The following UGT1A6 variants were observed in gnomAD, a reference collection of about 807,000 sequenced individuals.
UGT1A6 encodes the protein UDP glucuronosyltransferase family 1 member A6, also known as UDP-glucuronosyltransferase 1A6.
A neutral mutation model predicts 44.4 loss-of-function variants in UGT1A6; 32 were observed. The observed-to-expected ratio is 0.72, with a 90% confidence interval of 0.54 to 0.97. The LOEUF (loss-of-function observed/expected upper bound fraction) is 0.97. Ranked by LOEUF, UGT1A6 falls within the 50% of genes least tolerant of loss-of-function variation. UGT1A6 has a pLI of 0.00. For synonymous variants in UGT1A6, 238 were observed against 248.5 expected, an observed-to-expected ratio of 0.96 and a Z score of 0.40; for missense variants, 685 against 661.9, an observed-to-expected ratio of 1.03 and a Z score of -0.38.
At chr2:233,743,592 G>T (rs370692834) in intron 1 of UGT1A6, 2 of 1,367,196 alleles carry the variant, frequency 1.5e-6, no homozygotes, top group Non-Finnish European at 2.0e-6. Context: ...AAGGAGAATG[G>T]GTCCTGGCCG....
In UGT1A6 at chr2:233,768,557, A is replaced by G. The variant is rs28946891; in HGVS notation, c.1301+118A>G. 5 of 1,466,482 alleles carry G rather than the reference A, an allele frequency of 3.4e-6. No individual in the cohort carries two copies. The African/African-American group carries it at 7.2e-5, about 21-fold the overall frequency. 90.8% of individuals were successfully genotyped at this position (1,466,482 alleles called of 1,614,324 possible). On this transcript the variant is annotated intron_variant, in intron 4 of 4. Coordinates refer to ENST00000305139, the MANE Select transcript of UGT1A6 (RefSeq NM_001072.4). ...TTGTTTCAAATATAAAAACAAATAC[A>G]TAAAAATCTGGATTTTTATTTCTTC... is the stretch of plus-strand genomic sequence containing the variant.
chr2:233,720,299 G>A (rs1559365753), intron 1 of UGT1A6, among the ~76,000 whole-genome samples: 1 of 152,118 alleles, frequency 6.6e-6, no homozygotes, highest in Admixed American at 6.5e-5. Flanking sequence ...AGGAGTTGGG[G>A]GTCTGGTGTA....
At chr2:233,730,021 A>G (rs1183209625) in intron 1 of UGT1A6, 7 of 1,613,586 alleles carry the variant, frequency 4.3e-6, no homozygotes, top group Non-Finnish European at 5.9e-6. Flanking sequence ...CATCCAATCA[A>G]TGTTCCAGGC....
chr2:233,720,111 A>T (rs375337580), intron 1 of UGT1A6, among the ~76,000 whole-genome samples: 1 of 152,208 alleles, frequency 6.6e-6, no homozygotes, highest in African/African-American at 2.4e-5. Context: ...ATCTTGCGAA[A>T]GATACAGAGG....
At chr2:233,700,738 A>T (rs1433623509) in intron 1 of UGT1A6, among the ~76,000 whole-genome samples, 3 of 152,020 alleles carry the variant, frequency 2.0e-5, no homozygotes, top group Non-Finnish European at 4.4e-5. Context: ...TATTATTATT[A>T]TACTTTAAGT....
At chr2:233,697,927 G>A (rs900659562) in intron 1 of UGT1A6, among the ~76,000 whole-genome samples, 1 of 152,072 alleles carries the variant, frequency 6.6e-6, no homozygotes. Context: ...GAAGTCTAGG[G>A]TATTGGAAAA....
chr2:233,729,158 G>A (rs771653845), intron 1 of UGT1A6: 35 of 1,613,348 alleles, frequency 2.2e-5, no homozygotes, highest in East Asian at 4.5e-5. Context: ...CCCCTGCCGT[G>A]GCTGGCCACA....
chr2:233,729,169 G>T (rs770212311), intron 1 of UGT1A6: 2 of 1,613,626 alleles, frequency 1.2e-6, no homozygotes, highest in African/African-American at 2.7e-5. Context: ...GCTGGCCACA[G>T]GACTGCTGCT....
chr2:233,703,927 G>T (rs1468574545), intron 1 of UGT1A6, among the ~76,000 whole-genome samples: 2 of 150,936 alleles, frequency 1.3e-5, no homozygotes, highest in African/African-American at 4.9e-5. Context: ...ATCTCATTCT[G>T]TTACCCAGAC....
chr2:233,713,117 C>T (rs1559358887), intron 1 of UGT1A6: 1 of 1,614,102 alleles, frequency 6.2e-7, no homozygotes, highest in Non-Finnish European at 8.5e-7. Flanking sequence ...GCCACTGGCT[C>T]AGCATGCGGG....
At chr2:233,755,374 C>G (rs1205727870) in intron 1 of UGT1A6, 3 of 355,518 alleles carry the variant, frequency 8.4e-6, no homozygotes, top group South Asian at 6.7e-5. Flanking sequence ...CCTGGAGGGC[C>G]GCCCCTTATG....
At chr2:233,726,769 C>T (rs751538762) in intron 1 of UGT1A6, among the ~76,000 whole-genome samples, 7 of 152,200 alleles carry the variant, frequency 4.6e-5, no homozygotes, top group Non-Finnish European at 8.8e-5. Context: ...AGACACTAAG[C>T]TTAAAGTGAA....
chr2:233,730,050 A>G (rs763653483), intron 1 of UGT1A6: 3 of 1,612,234 alleles, frequency 1.9e-6, no homozygotes, highest in Non-Finnish European at 1.7e-6. Context: ...TTTTAAAAAA[A>G]TGTATTTATT....
intron 1 of UGT1A6, among the ~76,000 whole-genome samples, chr2:233,751,332 T>C (rs1042149461): frequency 1.3e-5 from 2 of 152,004 alleles, no homozygotes; most frequent in African/African-American, 4.8e-5. Flanking sequence ...CCATTGTGTC[T>C]TGGAAGTTAC....
intron 1 of UGT1A6, chr2:233,761,033 G>A (rs774774935): frequency 1.2e-6 from 2 of 1,614,186 alleles, no homozygotes; most frequent in Non-Finnish European, 1.7e-6. Context: ...GACCTATTGA[G>A]CTCTGCATCT....
intron 1 of UGT1A6, among the ~76,000 whole-genome samples, chr2:233,734,252 G>A (rs1251645812): frequency 6.6e-6 from 1 of 152,080 alleles, no homozygotes; most frequent in Non-Finnish European, 1.5e-5. Flanking sequence ...TTTAGTCTTG[G>A]GAGGGTGTAT....
At chr2:233,729,463 A>G (rs369094416) in intron 1 of UGT1A6, 48 of 1,614,060 alleles carry the variant, frequency 3.0e-5, no homozygotes, top group African/African-American at 4.0e-5. Flanking sequence ...ATTTTTCAGA[A>G]GTATGGCAAT....
At chr2:233,741,008 GC>G (rs1212205801) in intron 1 of UGT1A6, 3 of 151,722 alleles carry the variant, frequency 2.0e-5, no homozygotes, top group Admixed American at 6.6e-5. Flanking sequence ...GATCACTTGA[GC>G]CCAGGAATTC....
intron 1 of UGT1A6, chr2:233,719,192 T>A (rs770140125): frequency 1.2e-5 from 20 of 1,614,046 alleles, no homozygotes; most frequent in Admixed American, 1.2e-4. Flanking sequence ...CTTTGGCCCT[T>A]CATAGGTGTT....
Sources: gnomAD v4.1 joint callset for allele counts (sites outside exome capture counted in the v4.1 genomes callset) on GRCh38, gnomAD v4.1.1 for gene constraint, MANE v1.5 for transcripts, NCBI Gene and HGNC (gene_info 2026-07-23, HGNC 2026-07-21) for gene names.